Variants in BNC2 observed in about 807,000 individuals in gnomAD.
BNC2 encodes the protein zinc finger protein basonuclin-2.
BNC2 carries 20 observed loss-of-function variants against 76.3 expected under a neutral mutation model. The observed-to-expected ratio is 0.26, with a 90% CI of 0.18 to 0.38. BNC2 has a LOEUF of 0.38. Among genes scored for constraint, BNC2 ranks in the 10% least tolerant of loss-of-function variants. The pLI, the probability that BNC2 is intolerant of heterozygous loss-of-function variation, is 1.00. For synonymous variants in BNC2, 582 were observed against 514.8 expected, an observed-to-expected ratio of 1.13 and a Z score of -1.77; for missense variants, 1,382 against 1,399.8, an observed-to-expected ratio of 0.99 and a Z score of 0.20.
rs533881914 is a variant in BNC2 at position 16,454,131 on chromosome 9, C to CT, written c.670-16608dup. ...TGATCTGTTCAGAAGTCCCATTCTG[C>CT]TTTTTTTTGTGTTTTTTTAATCACA... On this transcript the variant is annotated intron_variant, in intron 5 of 6. Transcript: ENST00000380672. Among the ~76,000 whole-genome samples, 239 of 151,806 alleles carry CT rather than the reference C, an allele frequency of 1.6e-3. 1 individual carries two copies. The highest frequency in any genetic ancestry group is 5.4e-3 in the African/African-American group (222 of 41,400).
chr9:16,652,405 T>C (rs901569843), intron 3 of BNC2, among the ~76,000 whole-genome samples: 14 of 152,142 alleles, frequency 9.2e-5, no homozygotes, highest in Non-Finnish European at 1.8e-4. Context: ...CTTAAACAAA[T>C]AGGATGAATG....
intron 1 of BNC2, among the ~76,000 whole-genome samples, chr9:16,783,152 T>G (rs1291111501): frequency 6.6e-6 from 1 of 152,182 alleles, no homozygotes; most frequent in Non-Finnish European, 1.5e-5. Context: ...TAAACAGAAG[T>G]AAGTTGAAAT....
In BNC2 at chr9:16,413,337, G is replaced by A. The variant is rs1056587557; in HGVS notation, c.*5652C>T. The A allele has an allele frequency of 1.2e-4, 18 of 146,880 alleles. No homozygotes were observed. The highest frequency in any genetic ancestry group is 4.7e-4 in the African/African-American group (18 of 38,658). 9.1% of individuals were successfully genotyped at this position (146,880 alleles called of 1,614,324 possible). On this transcript the variant is annotated 3_prime_UTR_variant, in exon 7 of 7. Coordinates refer to ENST00000380672, the MANE Select transcript of BNC2 (RefSeq NM_017637.6). Reference sequence around the variant, plus strand: ...AACAATAATGCTGATCCAATTCAGTGTACATGTAAAAATGCTTAGTTTTTT... The same window carrying A: ...AACAATAATGCTGATCCAATTCAGTATACATGTAAAAATGCTTAGTTTTTT...
chr9:16,741,056 G>T (rs1426915915), intron 1 of BNC2, among the ~76,000 whole-genome samples: 2 of 152,090 alleles, frequency 1.3e-5, no homozygotes, highest in African/African-American at 4.8e-5. Flanking sequence ...ATAAATAACA[G>T]CTACATGAAC....
intron 1 of BNC2, among the ~76,000 whole-genome samples, chr9:16,856,302 C>CACAT (rs1554752002): frequency 2.0e-5 from 3 of 147,158 alleles, no homozygotes; most frequent in African/African-American, 7.4e-5. Context: ...CACACACACA[C>CACAT]AAATTCCAGC....
At chr9:16,804,320 C>T (rs1193135796) in intron 1 of BNC2, among the ~76,000 whole-genome samples, 3 of 152,174 alleles carry the variant, frequency 2.0e-5, no homozygotes, top group Non-Finnish European at 4.4e-5. Flanking sequence ...GATGTAAGTA[C>T]TATCATTGTC....
intron 3 of BNC2, among the ~76,000 whole-genome samples, chr9:16,649,752 G>A (rs117113211): frequency 1.3e-4 from 20 of 152,152 alleles, no homozygotes; most frequent in African/African-American, 3.4e-4. Context: ...CAGATGATAC[G>A]TCAATAAACT....
At chr9:16,623,982 C>T (rs981849684) in intron 3 of BNC2, among the ~76,000 whole-genome samples, 2 of 152,114 alleles carry the variant, frequency 1.3e-5, no homozygotes, top group Non-Finnish European at 2.9e-5. Flanking sequence ...AAGATCACTT[C>T]GTTCAATATT....
At chr9:16,711,034 C>A (rs930079961) in intron 3 of BNC2, among the ~76,000 whole-genome samples, 2 of 152,168 alleles carry the variant, frequency 1.3e-5, no homozygotes, top group East Asian at 1.9e-4. Context: ...TGCTGTCCCT[C>A]GCTCCCTCTA....
chr9:16,771,790 A>G (rs2066769017), intron 1 of BNC2, among the ~76,000 whole-genome samples: 1 of 152,128 alleles, frequency 6.6e-6, no homozygotes, highest in South Asian at 2.1e-4. Context: ...GCTAAATGAC[A>G]GATAAACTCC....
At chr9:16,800,266 T>A (rs1477897784) in intron 1 of BNC2, among the ~76,000 whole-genome samples, 1 of 150,422 alleles carries the variant, frequency 6.6e-6, no homozygotes, top group Non-Finnish European at 1.5e-5. Context: ...AGGGGTGGCA[T>A]GGGATGGCAG....
intron 5 of BNC2, among the ~76,000 whole-genome samples, chr9:16,547,030 A>C (rs1018999368): frequency 6.6e-6 from 1 of 152,250 alleles, no homozygotes; most frequent in Non-Finnish European, 1.5e-5. Context: ...CAGTGTATCA[A>C]CTGTGCCAAT....
intron 3 of BNC2, among the ~76,000 whole-genome samples, chr9:16,695,872 G>A (rs1166569016): frequency 7.9e-6 from 1 of 125,930 alleles, no homozygotes; most frequent in African/African-American, 2.7e-5. Flanking sequence ...CAAGCAAATA[G>A]GTTCACTGGT....
At chr9:16,553,148 A>G (rs1428504935) in intron 4 of BNC2, among the ~76,000 whole-genome samples, 2 of 152,190 alleles carry the variant, frequency 1.3e-5, no homozygotes, top group Non-Finnish European at 2.9e-5. Context: ...ACCCCCCACC[A>G]AAAACAAAAC....
intron 1 of BNC2, among the ~76,000 whole-genome samples, chr9:16,750,183 AAAG>A (rs138755004): frequency 0.011 from 1,619 of 152,300 alleles, 37 homozygotes; most frequent in African/African-American, 0.036. Flanking sequence ...CTCTAAGGGA[AAAG>A]AAGCAAAAGA....
chr9:16,844,451 G>C (rs982088911), intron 1 of BNC2, among the ~76,000 whole-genome samples: 3 of 150,414 alleles, frequency 2.0e-5, no homozygotes, highest in African/African-American at 7.3e-5. Flanking sequence ...TAATTCTAGG[G>C]ATGGGGAGCA....
At chr9:16,584,292 G>A (rs1490814281) in intron 3 of BNC2, among the ~76,000 whole-genome samples, 1 of 152,132 alleles carries the variant, frequency 6.6e-6, no homozygotes, top group Non-Finnish European at 1.5e-5. Context: ...GGAACCATTA[G>A]GATTTTTATA....
intron 1 of BNC2, among the ~76,000 whole-genome samples, chr9:16,743,910 G>A (rs1423296539): frequency 7.9e-5 from 12 of 152,040 alleles, no homozygotes; most frequent in Admixed American, 6.5e-4. Context: ...CACTATTCTC[G>A]GTTTTTTTCC....
chr9:16,634,278 G>C (rs906576368), intron 3 of BNC2, among the ~76,000 whole-genome samples: 3 of 151,976 alleles, frequency 2.0e-5, no homozygotes, highest in Non-Finnish European at 4.4e-5. Flanking sequence ...CTATTATTAA[G>C]TTCTGAGCTT....
Sources: gnomAD v4.1 joint callset for allele counts (sites outside exome capture counted in the v4.1 genomes callset) on GRCh38, gnomAD v4.1.1 for gene constraint, MANE v1.5 for transcripts, NCBI Gene and HGNC (gene_info 2026-07-23, HGNC 2026-07-21) for gene names.